Variants in BCAS4 observed in about 807,000 individuals in gnomAD.
BCAS4 encodes breast carcinoma amplified sequence 4.
BCAS4 carries 9 observed loss-of-function variants against 15.7 expected under a neutral mutation model. The observed-to-expected ratio is 0.57, with a 90% CI of 0.34 to 1.00. BCAS4 has a LOEUF of 1.00. BCAS4 is among the 50% of genes least tolerant of loss of function. The pLI is 0.02. For missense variants in BCAS4, 225 were observed against 239.1 expected, an observed-to-expected ratio of 0.94 and a Z score of 0.39; for synonymous variants, 101 against 99.5, an observed-to-expected ratio of 1.02 and a Z score of -0.09.
downstream of BCAS4, chr20:50,879,120 T>G (rs1190498613): frequency 6.6e-6 from 1 of 152,366 alleles, no homozygotes; most frequent in South Asian, 2.1e-4. Context: ...GCTGTGTCAC[T>G]GTAGATCATT....
chr20:50,864,859 C>T (rs1232615224), intron 4 of BCAS4, among the ~76,000 whole-genome samples: 3 of 151,558 alleles, frequency 2.0e-5, no homozygotes, highest in Non-Finnish European at 2.9e-5. Context: ...TTTGGGAGGC[C>T]GAGGCAAGCA....
intron 4 of BCAS4, among the ~76,000 whole-genome samples, chr20:50,875,002 C>T (rs980180183): frequency 2.6e-5 from 4 of 152,166 alleles, no homozygotes; most frequent in Non-Finnish European, 5.9e-5. Context: ...TTGCTCATCT[C>T]CACCGGCTCC....
intron 2 of BCAS4, among the ~76,000 whole-genome samples, chr20:50,823,945 C>A (rs776583983): frequency 6.6e-6 from 1 of 151,840 alleles, no homozygotes; most frequent in Admixed American, 6.6e-5. Flanking sequence ...TCACTTACAC[C>A]CAGTTAAAGA....
At position 50,802,441 on chromosome 20, in the gene BCAS4, A is replaced by C. The variant is rs1314213200; in HGVS notation, c.90+7268A>C. ...TTTCTACCCACAAAACCTGCCCAGG[A>C]GTGGGGGGAGCCTTCCTCAGGGCTC... On this transcript the variant is annotated intron_variant, in intron 1 of 4. Transcript: ENST00000371608. Among the ~76,000 whole-genome samples the C allele has an allele frequency of 2.6e-5, 4 of 152,196 alleles. 1 individual carries two copies. The South Asian group carries it at 6.2e-4, about 24-fold the overall frequency.
chr20:50,871,062 C>G lies in BCAS4; in HGVS notation c.400-5424C>G, dbSNP rs944993390. 2.6e-5 allele frequency among the ~76,000 whole-genome samples: 4 copies of G among 152,358 alleles called. No individual in the cohort carries two copies. In the East Asian group the frequency reaches 5.8e-4, roughly 22 times the overall value. The stretch of plus-strand genomic sequence containing the variant: ...GACCCCAGCGGGGACTCATTCCCAG[C>G]CGGAGGGCGAGAGGTGGGACGTGGA... On this transcript the variant is annotated intron_variant, in intron 4 of 4. Transcript: ENST00000371608.
intron 1 of BCAS4, among the ~76,000 whole-genome samples, chr20:50,813,674 CTT>C (rs965295871): frequency 1.9e-4 from 16 of 82,386 alleles, no homozygotes; most frequent in African/African-American, 8.6e-4. Flanking sequence ...GGTGGAGGAC[CTT>C]TTTTTTTTTT....
At chr20:50,813,419 G>A (rs923784670) in intron 1 of BCAS4, among the ~76,000 whole-genome samples, 1 of 152,218 alleles carries the variant, frequency 6.6e-6, no homozygotes, top group African/African-American at 2.4e-5. Flanking sequence ...TGGGACCAGC[G>A]AGCAGGCTAC....
chr20:50,841,739 G>A, intron 3 of BCAS4, 27 bp from the exon 4 acceptor site: 1 of 1,613,854 alleles, frequency 6.2e-7, no homozygotes, highest in Non-Finnish European at 8.5e-7. Flanking sequence ...CACAGATGCG[G>A]CATCATGGCT....
intron 4 of BCAS4, among the ~76,000 whole-genome samples, chr20:50,843,295 C>T (rs1295741898): frequency 6.6e-6 from 1 of 152,156 alleles, no homozygotes; most frequent in Admixed American, 6.5e-5. Flanking sequence ...CTGCGTTAGG[C>T]ATTTTATATG....
intron 4 of BCAS4, among the ~76,000 whole-genome samples, chr20:50,847,685 C>T (rs1206602318): frequency 2.0e-5 from 3 of 152,198 alleles, no homozygotes; most frequent in Non-Finnish European, 4.4e-5. Flanking sequence ...TGGTAGAGAG[C>T]TGTGATCTCT....
chr20:50,868,646 C>T (rs1003245991), intron 4 of BCAS4, among the ~76,000 whole-genome samples: 49 of 152,298 alleles, frequency 3.2e-4, no homozygotes, highest in African/African-American at 1.1e-3. Flanking sequence ...TGGCCTTGAA[C>T]TCTTGGACTC....
intron 4 of BCAS4, among the ~76,000 whole-genome samples, chr20:50,871,211 AG>A (rs1413202037): frequency 6.6e-6 from 1 of 152,298 alleles, no homozygotes; most frequent in East Asian, 1.9e-4. Context: ...GGACAGGCCG[AG>A]GGGACCCCAG....
At chr20:50,867,153 G>T (rs1487467712) in intron 4 of BCAS4, among the ~76,000 whole-genome samples, 2 of 152,196 alleles carry the variant, frequency 1.3e-5, no homozygotes, top group African/African-American at 2.4e-5. Context: ...CATTGTCACA[G>T]CTAAGGAACC....
At position 50,876,641 on chromosome 20, in the gene BCAS4, A is replaced by G; in HGVS notation, c.*33A>G. The G allele has an allele frequency of 1.2e-6, 2 of 1,611,386 alleles. No individual in the cohort carries two copies. Among genetic ancestry groups the G allele is most frequent in the South Asian group, 2.2e-5 (2 of 90,748 alleles). On this transcript the variant is annotated 3_prime_UTR_variant, in exon 5 of 5. Transcript: ENST00000371608. ...GGTCTTCCCATCAGGAACGCTGGAA[A>G]GTGACATTGTGTACACACTGCAGCT...
intron 4 of BCAS4, among the ~76,000 whole-genome samples, chr20:50,871,274 T>TG (rs1418605058): frequency 6.6e-6 from 1 of 152,186 alleles, no homozygotes; most frequent in Non-Finnish European, 1.5e-5. Flanking sequence ...ACTCCTCCCT[T>TG]GCAGGCTGCC....
At chr20:50,874,049 G>A (rs1979791292) in intron 4 of BCAS4, among the ~76,000 whole-genome samples, 1 of 152,102 alleles carries the variant, frequency 6.6e-6, no homozygotes, top group Non-Finnish European at 1.5e-5. Context: ...CTCACTTTTG[G>A]GGGACACATG....
chr20:50,841,993 CA>C (rs2088489127), intron 4 of BCAS4, 93 bp downstream of exon 4: 3 of 1,406,768 alleles, frequency 2.1e-6, no homozygotes, highest in African/African-American at 2.9e-5. Flanking sequence ...AAGCAGAGTT[CA>C]GGGGGGCACA....
chr20:50,801,624 A>T (rs1569015521), intron 1 of BCAS4, among the ~76,000 whole-genome samples: 1 of 151,896 alleles, frequency 6.6e-6, no homozygotes, highest in East Asian at 1.9e-4. Context: ...TACAGGCATG[A>T]GCCACCGCAC....
At chr20:50,852,854 C>T (rs1978514485) in intron 4 of BCAS4, among the ~76,000 whole-genome samples, 1 of 152,210 alleles carries the variant, frequency 6.6e-6, no homozygotes, top group Non-Finnish European at 1.5e-5. Context: ...GGACCCAGGA[C>T]ATGAACTCGT....
Sources: allele counts gnomAD v4.1 joint callset (sites outside exome capture counted in the v4.1 genomes callset), GRCh38; gene constraint gnomAD v4.1.1; transcripts MANE v1.5; gene names NCBI Gene and HGNC (gene_info 2026-07-23, HGNC 2026-07-21).